The following HTRA4 variants were observed in gnomAD, a reference collection of about 807,000 sequenced individuals.
The protein encoded by HTRA4 is serine protease HTRA4.
A neutral mutation model predicts 49.1 loss-of-function variants in HTRA4; 46 were observed. The observed-to-expected ratio is 0.94, with a 90% CI of 0.74 to 1.20. HTRA4 has a LOEUF of 1.20. HTRA4 is among the 50% of genes most tolerant of loss of function. The pLI is 0.00. For missense variants in HTRA4, 602 were observed against 636.9 expected, an observed-to-expected ratio of 0.95 and a Z score of 0.59; for synonymous variants, 261 against 264.0, an observed-to-expected ratio of 0.99 and a Z score of 0.11.
chr8:38,979,617 AT>A (rs1214470113), intron 5 of HTRA4, among the ~76,000 whole-genome samples: 2 of 151,954 alleles, frequency 1.3e-5, no homozygotes, highest in Admixed American at 6.6e-5. Flanking sequence ...TTCCTTTGAA[AT>A]TTCTCTCTTC....
rs752452557 is a variant in HTRA4, at chr8:38,974,303, T to A, written c.40T>A (p.Cys14Ser). ...GCTGCGGACCGCGGGGCTGGGACGATGCCTCCTGCCGGGGCTGCTGCTGCT... is the reference window on the plus strand; with the variant it reads ...GCTGCGGACCGCGGGGCTGGGACGAAGCCTCCTGCCGGGGCTGCTGCTGCT... ...PQLRTAGLGR[C>S]LLPGLLLLLV... Residue 14 changes from cysteine (C) to serine (S), a missense_variant, in exon 1 of 9, where the codon TGC becomes AGC. Cys to Ser is a moderately radical substitution (Grantham distance 112). Transcript: ENST00000302495. 1 of 1,612,618 alleles carries A rather than the reference T, an allele frequency of 6.2e-7. No homozygotes were observed. The highest frequency in any genetic ancestry group is 1.3e-5 in the African/African-American group (1 of 75,016).
In HTRA4 at chr8:38,974,575, C is replaced by T; in HGVS notation, c.312C>T (p.Ser104=). The change falls in exon 1 of 9, where the codon AGC becomes AGT. Residue 104 remains serine (S), a synonymous_variant. Transcript: ENST00000302495. ...AGCCGCTGCGCCCCGGGTTCCCCAGCACCTGCGGTTGCCCGACGCTGGGAG... is the reference window on the plus strand; with the variant it reads ...AGCCGCTGCGCCCCGGGTTCCCCAGTACCTGCGGTTGCCCGACGCTGGGAG... ...CLQPLRPGFP[S]TCGCPTLGGA... 1 of 1,423,018 alleles carries T rather than the reference C, an allele frequency of 7.0e-7. No individual in the cohort carries two copies. The highest frequency in any genetic ancestry group is 3.0e-5 in the Admixed American group (1 of 33,626). 88.1% of individuals were successfully genotyped at this position (1,423,018 alleles called of 1,614,324 possible).
At chr8:38,979,385 C>T (rs1469661851) in intron 5 of HTRA4, 138 bp downstream of exon 5, 4 of 800,028 alleles carry the variant, frequency 5.0e-6, no homozygotes, top group South Asian at 1.4e-5. Context: ...GAGTTTGAGA[C>T]TAGCCTGGGC....
At chr8:38,985,145 CT>C (rs1286916281) in intron 8 of HTRA4, among the ~76,000 whole-genome samples, 2 of 148,488 alleles carry the variant, frequency 1.3e-5, no homozygotes, top group African/African-American at 4.9e-5. Context: ...TTCTCCTGGG[CT>C]TTTCTGTTGT....
At chr8:38,987,901 G>C in intron 8 of HTRA4, 35 bp from the exon 9 acceptor site, 3 of 1,511,022 alleles carry the variant, frequency 2.0e-6, no homozygotes, top group Non-Finnish European at 2.6e-6. Context: ...TCTTGTTATA[G>C]TTTCATGATC....
intron 4 of HTRA4, among the ~76,000 whole-genome samples, chr8:38,978,571 T>G (rs1323198994): frequency 1.3e-5 from 2 of 152,174 alleles, no homozygotes; most frequent in African/African-American, 4.8e-5. Flanking sequence ...ACTTTGGGGA[T>G]GTCCAGGTTT....
chr8:38,981,897 G>C (rs1188257306), intron 6 of HTRA4, 130 bp downstream of exon 6: 2 of 658,342 alleles, frequency 3.0e-6, no homozygotes, highest in Non-Finnish European at 5.3e-6. Context: ...ATCCAGGTTG[G>C]AGTGCAGTGG....
At chr8:38,981,900 T>C (rs551324633) in intron 6 of HTRA4, 133 bp downstream of exon 6, 7 of 646,564 alleles carry the variant, frequency 1.1e-5, no homozygotes, top group African/African-American at 1.8e-5. Flanking sequence ...CAGGTTGGAG[T>C]GCAGTGGCGT....
chr8:38,984,827 A>G (rs1388264839), intron 8 of HTRA4, among the ~76,000 whole-genome samples: 7 of 152,114 alleles, frequency 4.6e-5, no homozygotes, highest in Admixed American at 6.6e-5. Context: ...GGGGAGGTCG[A>G]GATGGGAGGA....
chr8:38,976,019 A>G (rs1835347083), intron 2 of HTRA4, among the ~76,000 whole-genome samples: 1 of 152,232 alleles, frequency 6.6e-6, no homozygotes, highest in Non-Finnish European at 1.5e-5. Flanking sequence ...CCCACTCTCA[A>G]CCATGCTCAC....
At position 38,988,028 on chromosome 8, in the gene HTRA4, C is replaced by G. The variant is rs769889868; in HGVS notation, c.1361C>G (p.Ser454Cys). 1 of 1,612,648 alleles carries G rather than the reference C, an allele frequency of 6.2e-7. No homozygotes were observed. Residue 454 changes from serine to cysteine, a missense_variant, in exon 9 of 9, where the codon TCC (serine) becomes TGC (cysteine). Coordinates refer to ENST00000302495, the MANE Select transcript of HTRA4 (RefSeq NM_153692.4). ...TDVVKALDSD[S>C]LSMAVLRGKD... ...GTTGTTAAAGCTCTTGACAGTGATT[C>G]CCTTTCCATGGCTGTTCTTCGGGGA...
At chr8:38,982,839 C>A (rs1835440564) in intron 7 of HTRA4, 114 bp from the exon 8 acceptor site, 1 of 706,774 alleles carries the variant, frequency 1.4e-6, no homozygotes, top group Non-Finnish European at 2.4e-6. Context: ...TTGATGGAAT[C>A]TTCCTCGGCC....
chr8:38,975,257 T>C, intron 2 of HTRA4, 127 bp downstream of exon 2: 1 of 907,528 alleles, frequency 1.1e-6, no homozygotes, highest in South Asian at 1.4e-5. Context: ...CGTAAAGAGG[T>C]TGAATAACCT....
At chr8:38,987,850 T>C in intron 8 of HTRA4, 86 bp from the exon 9 acceptor site, 1 of 1,223,280 alleles carries the variant, frequency 8.2e-7, no homozygotes, top group South Asian at 1.7e-5. Context: ...ATAGTGCCAT[T>C]AAGACAGAAA....
Position 38,988,231 on chromosome 8 carries a change from A to C in HTRA4, c.*133A>C. ...TTACAAAGAAAAATGGATGGTTATC[A>C]ACCCAAATGCCCATCAATGACAGAC... On this transcript the variant is annotated 3_prime_UTR_variant, in exon 9 of 9. Coordinates refer to ENST00000302495, the MANE Select transcript of HTRA4 (RefSeq NM_153692.4). The C allele has an allele frequency of 1.3e-6, 1 of 744,788 alleles. No individual in the cohort carries two copies. The highest frequency in any genetic ancestry group is 2.1e-6 in the Non-Finnish European group (1 of 476,336). The allele number at this position is 744,788 out of a possible 1,614,324, so 46.1% of individuals were successfully genotyped here.
intron 1 of HTRA4, 89 bp downstream of exon 1, chr8:38,974,818 C>A: frequency 2.3e-6 from 3 of 1,285,182 alleles, no homozygotes; most frequent in African/African-American, 1.5e-5. Context: ...GCACAGTTCG[C>A]GCCTGGTCCT....
At chr8:38,978,705 G>A (rs933293980) in intron 4 of HTRA4, among the ~76,000 whole-genome samples, 1 of 152,054 alleles carries the variant, frequency 6.6e-6, no homozygotes, top group Non-Finnish European at 1.5e-5. Flanking sequence ...TAAGAAGGTG[G>A]TGGTCCCTTG....
intron 4 of HTRA4, among the ~76,000 whole-genome samples, chr8:38,978,919 G>A (rs1003932422): frequency 9.2e-5 from 14 of 151,522 alleles, no homozygotes; most frequent in African/African-American, 2.7e-4. Context: ...CACTTGAACC[G>A]GGAGGCAGAG....
At position 38,974,581 on chromosome 8, in the gene HTRA4, C is replaced by T; in HGVS notation, c.318C>T (p.Cys106=). The change falls in exon 1 of 9, where the codon TGC becomes TGT. Residue 106 remains cysteine, a synonymous_variant. Transcript: ENST00000302495. ...TGCGCCCCGGGTTCCCCAGCACCTG[C>T]GGTTGCCCGACGCTGGGAGGGGCCG... ...QPLRPGFPST[C]GCPTLGGAVC... 1.4e-6 allele frequency: 2 copies of T among 1,423,900 alleles called. No individual in the cohort carries two copies. Among genetic ancestry groups the T allele is most frequent in the Admixed American group, 2.9e-5 (1 of 33,902 alleles). The allele number at this position is 1,423,900 out of a possible 1,614,324, so 88.2% of individuals were successfully genotyped here.
Sources: allele counts gnomAD v4.1 joint callset (sites outside exome capture counted in the v4.1 genomes callset), GRCh38; gene constraint gnomAD v4.1.1; transcripts MANE v1.5; gene names NCBI Gene and HGNC (gene_info 2026-07-23, HGNC 2026-07-21).